Variants in MARCHF1 observed in about 807,000 individuals in gnomAD.
MARCHF1 encodes E3 ubiquitin-protein ligase MARCHF1.
A neutral mutation model predicts 54.2 loss-of-function variants in MARCHF1; 40 were observed. The observed-to-expected ratio is 0.74, with a 90% confidence interval of 0.57 to 0.96. The LOEUF is 0.96. MARCHF1 is among the 40% of genes least tolerant of loss of function. The pLI is 0.00. For synonymous variants in MARCHF1, 236 were observed against 236.3 expected (o/e 1.00, Z 0.01); for missense variants, 586 against 656.5 (o/e 0.89, Z 1.17).
chr4:164,046,242 G>A (rs1754240860), intron 2 of MARCHF1, among the ~76,000 whole-genome samples: 1 of 152,206 alleles, frequency 6.6e-6, no homozygotes, highest in Non-Finnish European at 1.5e-5. Flanking sequence ...CAACAAATCT[G>A]CCTTTTGTCC....
chr4:164,045,128 G>A (rs1348674019), intron 2 of MARCHF1, among the ~76,000 whole-genome samples: 1 of 151,592 alleles, frequency 6.6e-6, no homozygotes, highest in African/African-American at 2.4e-5. Context: ...TTCTAAAATC[G>A]CAAACAAAAC....
At position 164,307,927 on chromosome 4, in the gene MARCHF1, T is replaced by A. The variant is rs998881734; in HGVS notation, c.-323+75943A>T. The stretch of plus-strand genomic sequence containing the variant: ...GTGTTCAAAACTGTGGTGCTGTAAA[T>A]GCTTTCAAATCATGTGTCTTCATTC... On this transcript the variant is annotated intron_variant, in intron 1 of 9. Coordinates refer to ENST00000514618, the MANE Select transcript of MARCHF1 (RefSeq NM_001394959.1). Among the ~76,000 whole-genome samples the A allele has an allele frequency of 5.6e-4, 86 of 152,330 alleles. 1 individual carries two copies. The highest frequency in any genetic ancestry group is 1.9e-3 in the African/African-American group (81 of 41,578).
chr4:163,616,164 T>A (rs1317849471), intron 5 of MARCHF1, among the ~76,000 whole-genome samples: 2 of 152,004 alleles, frequency 1.3e-5, no homozygotes, highest in Non-Finnish European at 2.9e-5. Flanking sequence ...TTTAGAAAAG[T>A]TTTTGTGGGT....
At chr4:164,201,712 G>A (rs1030253234) in intron 1 of MARCHF1, among the ~76,000 whole-genome samples, 3 of 152,200 alleles carry the variant, frequency 2.0e-5, no homozygotes, top group Non-Finnish European at 4.4e-5. Context: ...CTTGGTTTGA[G>A]CAGCTAGAGG....
intron 1 of MARCHF1, among the ~76,000 whole-genome samples, chr4:164,225,391 A>G (rs919135268): frequency 2.6e-5 from 4 of 152,078 alleles, no homozygotes; most frequent in Non-Finnish European, 5.9e-5. Context: ...TGTCCAAATA[A>G]CCTGATGTCC....
At chr4:163,715,029 G>A (rs1745216764) in intron 4 of MARCHF1, among the ~76,000 whole-genome samples, 1 of 151,980 alleles carries the variant, frequency 6.6e-6, no homozygotes, top group Admixed American at 6.6e-5. Context: ...TATTTTTATA[G>A]AAAAAAGTCA....
At chr4:163,755,751 C>T (rs28588123) in intron 4 of MARCHF1, among the ~76,000 whole-genome samples, 16,155 of 151,708 alleles carry the variant, frequency 0.11, 1,688 homozygotes, top group African/African-American at 0.27. Context: ...ATAACAGAGA[C>T]AGCAAAGAAT....
intron 3 of MARCHF1, among the ~76,000 whole-genome samples, chr4:163,894,574 CATGTGATGCATATAT>C (rs1553961547): frequency 0.1 from 6,362 of 63,830 alleles, 301 homozygotes; most frequent in East Asian, 0.22. Context: ...TATATATATG[CATGTGATGCATATAT>C]ATATATGCAT....
intron 3 of MARCHF1, among the ~76,000 whole-genome samples, chr4:163,904,633 C>G (rs1751016058): frequency 6.6e-6 from 1 of 152,108 alleles, no homozygotes; most frequent in Non-Finnish European, 1.5e-5. Flanking sequence ...AGACTGTTAT[C>G]AAGTAGCAAG....
chr4:163,702,250 T>G (rs896170009), intron 4 of MARCHF1, among the ~76,000 whole-genome samples: 7 of 152,180 alleles, frequency 4.6e-5, no homozygotes, highest in African/African-American at 7.2e-5. Context: ...ATGTATATGC[T>G]ACCACAGACA....
At chr4:163,600,437 C>T (rs1644789027) in intron 7 of MARCHF1, among the ~76,000 whole-genome samples, 1 of 152,054 alleles carries the variant, frequency 6.6e-6, no homozygotes, top group Admixed American at 6.6e-5. Flanking sequence ...AACATGAAGC[C>T]TAGGTTGGGA....
At chr4:163,623,714 T>A (rs1229438374) in intron 5 of MARCHF1, among the ~76,000 whole-genome samples, 1 of 152,174 alleles carries the variant, frequency 6.6e-6, no homozygotes, top group African/African-American at 2.4e-5. Context: ...ATTACTAAAC[T>A]CCTTACTAAT....
rs912023973 is a variant in MARCHF1, at chr4:163,821,016, C to T, written c.111+33005G>A. On this transcript the variant is annotated intron_variant, in intron 4 of 9. Transcript: ENST00000514618. ...AGCTTGTTAACTTCCTCTACACTGT[C>T]CCGCATGGTCCTGGCTCCACCTCTC... Among the ~76,000 whole-genome samples the T allele has an allele frequency of 5.9e-5, 9 of 152,164 alleles. No individual in the cohort carries two copies. In the South Asian group the frequency reaches 1.2e-3, roughly 21 times the overall value.
intron 8 of MARCHF1, among the ~76,000 whole-genome samples, chr4:163,573,348 C>T (rs1377983774): frequency 2.7e-5 from 4 of 149,736 alleles, no homozygotes; most frequent in Non-Finnish European, 5.9e-5. Context: ...TTTTAGGGTA[C>T]ATGTGCACAA....
chr4:164,034,306 G>C (rs1370260798), intron 2 of MARCHF1, among the ~76,000 whole-genome samples: 1 of 152,020 alleles, frequency 6.6e-6, no homozygotes, highest in Non-Finnish European at 1.5e-5. Flanking sequence ...ACAGGGAGGG[G>C]AACAACACAC....
chr4:163,570,392 C>T (rs184011472), intron 8 of MARCHF1, among the ~76,000 whole-genome samples: 25 of 152,130 alleles, frequency 1.6e-4, no homozygotes, highest in Admixed American at 1.4e-3. Context: ...TTTTATTCAA[C>T]GGAACCCCCA....
chr4:164,249,890 A>G (rs1369629148), intron 1 of MARCHF1, among the ~76,000 whole-genome samples: 2 of 152,126 alleles, frequency 1.3e-5, no homozygotes, highest in Non-Finnish European at 2.9e-5. Context: ...AAAATACAAT[A>G]GAAAACTTTG....
intron 1 of MARCHF1, among the ~76,000 whole-genome samples, chr4:164,250,140 A>G (rs1327894985): frequency 6.6e-6 from 1 of 152,124 alleles, no homozygotes; most frequent in African/African-American, 2.4e-5. Flanking sequence ...GATGACATGT[A>G]GCACTGATTG....
chr4:164,316,831 G>A (rs1195279529), intron 1 of MARCHF1, among the ~76,000 whole-genome samples: 2 of 151,994 alleles, frequency 1.3e-5, no homozygotes, highest in African/African-American at 4.8e-5. Flanking sequence ...ACATGATCTG[G>A]TTGTTTAAAA....
Sources: allele counts gnomAD v4.1 joint callset (sites outside exome capture counted in the v4.1 genomes callset), GRCh38; gene constraint gnomAD v4.1.1; transcripts MANE v1.5; gene names NCBI Gene and HGNC (gene_info 2026-07-23, HGNC 2026-07-21).